The following GSN variants were observed in gnomAD, a reference collection of about 807,000 sequenced individuals.
The protein encoded by GSN is actin-depolymerizing factor.
A neutral mutation model predicts 85.7 loss-of-function variants in GSN; 56 were observed. That is an observed-to-expected ratio of 0.65 (90% CI 0.53 to 0.82). The LOEUF (loss-of-function observed/expected upper bound fraction) is 0.82. Among genes scored for constraint, GSN ranks in the 40% least tolerant of loss-of-function variants. The pLI, the probability that GSN is intolerant of heterozygous loss-of-function variation, is 0.00. For synonymous variants in GSN, 373 were observed against 399.1 expected (o/e 0.93, Z 0.78); for missense variants, 857 against 979.8 (o/e 0.87, Z 1.67).
At chr9:121,331,706 G>A (rs2133981621) in intron 17 of GSN, 1 of 413,540 alleles carries the variant, frequency 2.4e-6, no homozygotes, top group Non-Finnish European at 4.4e-6. Context: ...GGACAGATGA[G>A]AAGTCACTTC....
rs1428666233 is a variant in GSN, at chr9:121,321,382, G to A, written c.1306G>A (p.Gly436Arg). ...CAACTACCGCCATGGTGGCCGCCAGGGGCAGATAATCTATAACTGGTGAGG... is the reference window on the plus strand; with the variant it reads ...CAACTACCGCCATGGTGGCCGCCAGAGGCAGATAATCTATAACTGGTGAGG... ...LYNYRHGGRQ[G>R]QIIYNWQGAQ... is the part of the protein sequence containing the mutation. Residue 436 changes from glycine (G) to arginine (R), a missense_variant, in exon 11 of 18, where the codon GGG (glycine) becomes AGG (arginine). Physicochemically the swap from Gly to Arg is moderately radical, Grantham distance 125. Coordinates refer to ENST00000432226, the MANE Select transcript of GSN (RefSeq NM_198252.3). 2 of 1,614,116 alleles carry A rather than the reference G, an allele frequency of 1.2e-6. No individual in the cohort carries two copies. The highest frequency in any genetic ancestry group is 1.7e-6 in the Non-Finnish European group (2 of 1,180,008).
intron 3 of GSN, chr9:121,210,474 C>T (rs1317605965): frequency 2.0e-5 from 3 of 152,172 alleles, no homozygotes; most frequent in Non-Finnish European, 4.4e-5. Context: ...GTGAATATAG[C>T]TGAATGTAAC....
Position 121,261,006 on chromosome 9 carries a change from T to C in GSN, c.-340-4148T>C, listed in dbSNP as rs891849863. Among the ~76,000 whole-genome samples the C allele has an allele frequency of 2.0e-5, 3 of 152,228 alleles. No homozygotes were observed. Among genetic ancestry groups the C allele is most frequent in the African/African-American group, 7.2e-5 (3 of 41,450 alleles). ...TTTCTCTAAATTCCTAAGAAGGTAATGCATTGCTGGCCCGATTGTGTTTCA... is the reference window on the plus strand; with the variant it reads ...TTTCTCTAAATTCCTAAGAAGGTAACGCATTGCTGGCCCGATTGTGTTTCA... On this transcript the variant is annotated intron_variant, in intron 6 of 24. Transcript: ENST00000373823. This position sits in a 1 kb window ranked among gnomAD's most constrained non-coding sequence, Gnocchi z 4.1.
rs1389558331 is a variant in GSN at position 121,299,453 on chromosome 9, G to A, written c.-9-2510G>A. 1.3e-5 allele frequency: 13 copies of A among 985,090 alleles called. No homozygotes were observed. Among genetic ancestry groups the A allele is most frequent in the African/African-American group, 3.5e-5 (2 of 57,250 alleles). The allele number at this position is 985,090 out of a possible 1,614,324, so 61.0% of individuals were successfully genotyped here. ...TGGCCGTTGTACCCTCTCTGAAAAG[G>A]ATGTGCTGATGCCTCGGTGAAAAGC... On this transcript the variant is annotated intron_variant, in intron 2 of 17. Transcript: ENST00000432226. This position sits in a 1 kb window ranked among gnomAD's most constrained non-coding sequence, Gnocchi z 4.2.
upstream of GSN, among the ~76,000 whole-genome samples, chr9:121,207,126 A>G (rs1254567959): frequency 2.0e-5 from 3 of 152,358 alleles, no homozygotes; most frequent in Middle Eastern, 3.4e-3. Context: ...GCGAGTTAAA[A>G]GCATGTGTGA....
At chr9:121,286,274 C>G in intron 2 of GSN, 1 of 816,232 alleles carries the variant, frequency 1.2e-6, no homozygotes, top group Non-Finnish European at 2.0e-6. Flanking sequence ...GCTCCTGACT[C>G]CTAGTTCAAC....
chr9:121,321,031 C>T (rs1369282662), intron 10 of GSN, among the ~76,000 whole-genome samples: 1 of 152,196 alleles, frequency 6.6e-6, no homozygotes, highest in Non-Finnish European at 1.5e-5. Context: ...GAAGGACAGA[C>T]GGGCTGGGGC....
upstream of GSN, chr9:121,265,828 A>C (rs1273341373): frequency 2.0e-5 from 3 of 152,224 alleles, no homozygotes; most frequent in African/African-American, 7.2e-5. Context: ...GGTATCTAGA[A>C]AGGAATGAAG....
intron 6 of GSN, among the ~76,000 whole-genome samples, chr9:121,257,713 A>G (rs993497905): frequency 1.3e-5 from 2 of 152,176 alleles, no homozygotes; most frequent in South Asian, 4.1e-4. Flanking sequence ...TCTACTAAAG[A>G]TAGAAAAATT....
At chr9:121,274,760 T>C (rs2056458568) in intron 1 of GSN, among the ~76,000 whole-genome samples, 1 of 152,164 alleles carries the variant, frequency 6.6e-6, no homozygotes, top group East Asian at 1.9e-4. Context: ...AACAAAATTA[T>C]TGATGAAGAC....
At chr9:121,230,207 AGG>A (rs2054360722) in intron 4 of GSN, among the ~76,000 whole-genome samples, 2 of 152,188 alleles carry the variant, frequency 1.3e-5, no homozygotes, top group Non-Finnish European at 2.9e-5. Flanking sequence ...CAGATATTCC[AGG>A]CTCAAATTTT....
intron 6 of GSN, among the ~76,000 whole-genome samples, chr9:121,254,253 T>C (rs778194821): frequency 5.9e-5 from 9 of 152,358 alleles, no homozygotes; most frequent in Middle Eastern, 3.4e-3. Flanking sequence ...ACAGCTCAGC[T>C]TTGATCCTAA....
intron 2 of GSN, among the ~76,000 whole-genome samples, chr9:121,289,917 A>T (rs1448761070): frequency 6.6e-6 from 1 of 152,130 alleles, no homozygotes; most frequent in Non-Finnish European, 1.5e-5. Context: ...TGCAATCTGT[A>T]TGAGTGACAG....
rs184200780 is a variant in GSN, at chr9:121,235,737, C to T, written c.-389+4434C>T. 2.6e-5 allele frequency among the ~76,000 whole-genome samples: 4 copies of T among 152,270 alleles called. No homozygotes were observed. The East Asian group carries it at 5.8e-4, about 22-fold the overall frequency. Reference sequence around the variant, plus strand: ...TTAGAACCCAGGCCCGGAAATGACACGTGACTCCCACTTCATTCCCCTGGT... The same window carrying T: ...TTAGAACCCAGGCCCGGAAATGACATGTGACTCCCACTTCATTCCCCTGGT... On this transcript the variant is annotated intron_variant, in intron 5 of 24. Coordinates refer to the GSN transcript ENST00000373823.
chr9:121,251,602 G>A (rs1564358800), intron 6 of GSN, among the ~76,000 whole-genome samples: 1 of 152,084 alleles, frequency 6.6e-6, no homozygotes, highest in Non-Finnish European at 1.5e-5. Context: ...ATTGAAAAAT[G>A]TGCTGATGCT....
At position 121,321,403 on chromosome 9, in the gene GSN, T is replaced by A; in HGVS notation, c.1325+2T>A. The A allele has an allele frequency of 6.2e-7, 1 of 1,613,772 alleles. No homozygotes were observed. Among genetic ancestry groups the A allele is most frequent in the Non-Finnish European group, 8.5e-7 (1 of 1,179,748 alleles). ...CCAGGGGCAGATAATCTATAACTGG[T>A]GAGGTTCTGGGGCCATTGGTGTGTG... On this transcript the variant is annotated splice_donor_variant, in intron 11 of 17. Coordinates refer to ENST00000432226, the MANE Select transcript of GSN (RefSeq NM_198252.3). LOFTEE classifies it high-confidence loss of function.
At chr9:121,220,057 A>G (rs1440200019) in intron 4 of GSN, among the ~76,000 whole-genome samples, 1 of 151,916 alleles carries the variant, frequency 6.6e-6, no homozygotes, top group Non-Finnish European at 1.5e-5. Context: ...AATTTTTAGT[A>G]TTTTTAGTAG....
intron 4 of GSN, among the ~76,000 whole-genome samples, chr9:121,307,251 AC>A (rs2060516293): frequency 6.6e-6 from 1 of 152,236 alleles, no homozygotes; most frequent in African/African-American, 2.4e-5. Context: ...ACATGAAGCA[AC>A]CCTTTTCCTT....
intron 4 of GSN, among the ~76,000 whole-genome samples, chr9:121,228,152 T>G (rs910225820): frequency 6.6e-6 from 1 of 151,962 alleles, no homozygotes; most frequent in Non-Finnish European, 1.5e-5. Context: ...TGTAATTACC[T>G]ACTCAAATGT....
Sources: allele counts gnomAD v4.1 joint callset (sites outside exome capture counted in the v4.1 genomes callset), GRCh38; gene constraint gnomAD v4.1.1; non-coding constraint Gnocchi (gnomAD v3.1); transcripts MANE v1.5; gene names NCBI Gene and HGNC (gene_info 2026-07-23, HGNC 2026-07-21).